Variants in CREB1 observed in about 807,000 individuals in gnomAD.
The protein encoded by CREB1 is cyclic AMP-responsive element-binding protein 1.
In CREB1, 2 loss-of-function variants were observed where a neutral mutation model predicts 42.0. The observed-to-expected ratio is 0.05, with a 90% CI of 0.02 to 0.15. The LOEUF is 0.15. Ranked by LOEUF, CREB1 falls within the 10% of genes least tolerant of loss-of-function variation. The pLI is 1.00. For missense variants in CREB1, 199 were observed against 388.9 expected (o/e 0.51, Z 4.11); for synonymous variants, 123 against 139.9 (o/e 0.88, Z 0.85).
At chr2:207,538,829 A>T (rs911315158) in intron 1 of CREB1, among the ~76,000 whole-genome samples, 2 of 152,174 alleles carry the variant, frequency 1.3e-5, no homozygotes, top group African/African-American at 4.8e-5. Context: ...ATTTCTAAGG[A>T]TCTGGTTATC....
intron 3 of CREB1, 38 bp from the exon 4 acceptor site, chr2:207,567,425 A>C (rs1331255871): frequency 6.9e-7 from 1 of 1,459,646 alleles, no homozygotes; most frequent in Admixed American, 1.8e-5. Flanking sequence ...ACAGGAACTA[A>C]ATTTGATTAT....
In CREB1 at chr2:207,605,029, T is replaced by C. The variant is rs1181483453; in HGVS notation, c.*7971T>C. Among the ~76,000 whole-genome samples, 1 of 152,232 alleles carries C rather than the reference T, an allele frequency of 6.6e-6. No individual in the cohort carries two copies. The highest frequency in any genetic ancestry group is 1.5e-5 in the Non-Finnish European group (1 of 68,038). ...TTGGCTAATGTTCATAGTGCTGTTA[T>C]GAATGTTCGTGTACAAGTATTTGAG... On this transcript the variant is annotated 3_prime_UTR_variant, in exon 8 of 8. Coordinates refer to ENST00000353267, the MANE Select transcript of CREB1 (RefSeq NM_004379.5).
chr2:207,580,859 A>G, intron 7 of CREB1: 1 of 219,720 alleles, frequency 4.6e-6, no homozygotes, highest in Non-Finnish European at 9.1e-6. Context: ...GGCTAGATAG[A>G]GCAGCACGTC....
At position 207,575,445 on chromosome 2, in the gene CREB1, G is replaced by C; in HGVS notation, c.679G>C (p.Val227Leu). The change falls in exon 6 of 8, where the codon GTT (valine) becomes CTT (leucine). Residue 227 changes from valine (V) to leucine (L), a missense_variant. By Grantham distance (32) the Val-to-Leu change is conservative. Around this residue, in one of 4 missense-constraint regions of CREB1, gnomAD observed 66 missense variants for 88.1 expected, o/e 0.75. Coordinates refer to ENST00000353267, the MANE Select transcript of CREB1 (RefSeq NM_004379.5). ...QQILVPSNQV[V>L]VQAASGDVQT... ...GATCTTAGTGCCCAGCAACCAAGTT[G>C]TTGTTCAAGGTAAGGGAATTCAGAA... 1 of 1,609,916 alleles carries C rather than the reference G, an allele frequency of 6.2e-7. No homozygotes were observed. Among genetic ancestry groups the C allele is most frequent in the Non-Finnish European group, 8.5e-7 (1 of 1,176,952 alleles).
intron 7 of CREB1, among the ~76,000 whole-genome samples, chr2:207,588,581 TTG>T (rs367799491): frequency 1.4e-3 from 213 of 152,296 alleles, no homozygotes; most frequent in Non-Finnish European, 2.6e-3. Context: ...TTAGTTAGGA[TTG>T]TGTTGTGTCT....
chr2:207,587,392 CAA>C (rs765065014), intron 7 of CREB1, among the ~76,000 whole-genome samples: 10 of 82,720 alleles, frequency 1.2e-4, no homozygotes, highest in African/African-American at 1.8e-4. Context: ...GACTCCATCT[CAA>C]AAAAAAAAAA....
chr2:207,534,516 T>G (rs938433993), intron 1 of CREB1: 3 of 152,218 alleles, frequency 2.0e-5, no homozygotes, highest in Non-Finnish European at 4.4e-5. Context: ...CTTTTTAAAT[T>G]ATTTATTATT....
At chr2:207,582,829 G>A in intron 7 of CREB1, 2 of 329,572 alleles carry the variant, frequency 6.1e-6, no homozygotes, top group Non-Finnish European at 1.2e-5. Flanking sequence ...GGAGGTGGAA[G>A]TTGCAGTGAG....
At chr2:207,581,693 GTATAT>G (rs1278737755) in intron 7 of CREB1, 4 of 563,190 alleles carry the variant, frequency 7.1e-6, no homozygotes, top group Admixed American at 3.3e-5. Context: ...TCTAATCTTA[GTATAT>G]TACATAACCA....
chr2:207,555,526 T>C, intron 1 of CREB1, 102 bp from the exon 2 acceptor site: 1 of 569,878 alleles, frequency 1.8e-6, no homozygotes. Context: ...TTTGGTAACC[T>C]AACCACCACA....
intron 1 of CREB1, chr2:207,550,381 G>A (rs1180232480): frequency 7.1e-6 from 1 of 140,246 alleles, no homozygotes; most frequent in Non-Finnish European, 1.5e-5. Context: ...CATTAGTTAT[G>A]AATGTATTAT....
At chr2:207,532,062 G>T (rs558649052) in intron 1 of CREB1, among the ~76,000 whole-genome samples, 6 of 151,916 alleles carry the variant, frequency 3.9e-5, no homozygotes, top group African/African-American at 1.4e-4. Context: ...TTTTTTTCTT[G>T]TTAAGAATAT....
At chr2:207,582,225 A>G (rs942404920) in intron 7 of CREB1, 1 of 701,466 alleles carries the variant, frequency 1.4e-6, no homozygotes, top group African/African-American at 1.7e-5. Context: ...AATTAGGTGT[A>G]TTTTAGAAGA....
intron 2 of CREB1, among the ~76,000 whole-genome samples, chr2:207,557,440 T>G (rs768998880): frequency 1.1e-4 from 17 of 152,162 alleles, no homozygotes; most frequent in African/African-American, 4.1e-4. Context: ...CCCCACACTT[T>G]GGGAGGCCGA....
chr2:207,575,537 T>C (rs2082538943), intron 6 of CREB1, 83 bp downstream of exon 6: 2 of 1,186,992 alleles, frequency 1.7e-6, no homozygotes, highest in Non-Finnish European at 2.4e-6. Context: ...GTAAGTATCA[T>C]ATTGCAAACC....
chr2:207,567,381 A>G, intron 3 of CREB1, 82 bp from the exon 4 acceptor site: 2 of 950,652 alleles, frequency 2.1e-6, no homozygotes, highest in Non-Finnish European at 3.2e-6. Flanking sequence ...TAAAGTTTAT[A>G]TATGACTTTT....
intron 2 of CREB1, chr2:207,559,335 G>A: frequency 2.1e-6 from 2 of 966,018 alleles, no homozygotes; most frequent in Non-Finnish European, 2.5e-6. Context: ...CTTCTCTTAG[G>A]TTGGGTAGAG....
At chr2:207,581,652 C>A (rs781260764) in intron 7 of CREB1, 2 of 424,784 alleles carry the variant, frequency 4.7e-6, no homozygotes, top group African/African-American at 2.0e-5. Context: ...TTTAAAAATA[C>A]AGAGTTCCGG....
At chr2:207,589,770 A>G (rs992752500) in intron 7 of CREB1, among the ~76,000 whole-genome samples, 2 of 152,158 alleles carry the variant, frequency 1.3e-5, no homozygotes, top group Admixed American at 1.3e-4. Flanking sequence ...TCATACTCCA[A>G]TTTTGAGATA....
Sources: allele counts gnomAD v4.1 joint callset (sites outside exome capture counted in the v4.1 genomes callset), GRCh38; gene constraint gnomAD v4.1.1; regional missense constraint gnomAD v4.1.1; transcripts MANE v1.5; gene names NCBI Gene and HGNC (gene_info 2026-07-23, HGNC 2026-07-21).